The following JMJD1C variants were observed in gnomAD, a reference collection of about 807,000 sequenced individuals.
JMJD1C encodes the protein jumonji domain-containing protein 1C.
JMJD1C carries 31 observed loss-of-function variants against 245.3 expected under a neutral mutation model. That is an observed-to-expected ratio of 0.13 (90% confidence interval 0.09 to 0.17). The LOEUF (loss-of-function observed/expected upper bound fraction) is 0.17. Among genes scored for constraint, JMJD1C ranks in the 10% least tolerant of loss-of-function variants. The pLI, the probability that JMJD1C is intolerant of heterozygous loss-of-function variation, is 1.00. For missense variants in JMJD1C, 2,691 were observed against 3,000.2 expected, an observed-to-expected ratio of 0.90 and a Z score of 2.41; for synonymous variants, 1,057 against 1,017.4, an observed-to-expected ratio of 1.04 and a Z score of -0.74.
chr10:63,235,254 G>GA, intron 3 of JMJD1C, among the ~76,000 whole-genome samples: 1 of 152,166 alleles, frequency 6.6e-6, no homozygotes, highest in South Asian at 2.1e-4. Context: ...CCAGCACTTT[G>GA]GAAGGCTGAG....
intron 2 of JMJD1C, among the ~76,000 whole-genome samples, chr10:63,331,623 C>T (rs1304781793): frequency 6.6e-6 from 1 of 152,082 alleles, no homozygotes; most frequent in Non-Finnish European, 1.5e-5. Flanking sequence ...AATAAATAAA[C>T]ATATATATTG....
intron 23 of JMJD1C, chr10:63,177,511 T>C: frequency 1.8e-6 from 1 of 557,766 alleles, no homozygotes; most frequent in Non-Finnish European, 3.1e-6. Flanking sequence ...TGGGAACAAA[T>C]CACCATTCAA....
intron 2 of JMJD1C, among the ~76,000 whole-genome samples, chr10:63,324,190 C>G (rs1941256931): frequency 6.6e-6 from 1 of 151,840 alleles, no homozygotes; most frequent in Non-Finnish European, 1.5e-5. Context: ...TAATATCTTA[C>G]CAGGATCTGG....
At chr10:63,448,915 G>A (rs966163677) in intron 1 of JMJD1C, among the ~76,000 whole-genome samples, 2 of 152,018 alleles carry the variant, frequency 1.3e-5, no homozygotes, top group South Asian at 2.1e-4. Context: ...TCAGGAGTTC[G>A]AGCCCAGCCT....
chr10:63,363,210 G>T (rs1376238884), intron 2 of JMJD1C, among the ~76,000 whole-genome samples: 1 of 148,936 alleles, frequency 6.7e-6, no homozygotes, highest in East Asian at 2.0e-4. Context: ...ACTGTGAGAA[G>T]TATGAAGAAA....
In JMJD1C at chr10:63,206,888, A is replaced by G. The variant is rs765449355; in HGVS notation, c.4781T>C (p.Ile1594Thr). 13 of 1,609,160 alleles carry G rather than the reference A, an allele frequency of 8.1e-6. No homozygotes were observed. The East Asian group carries it at 8.9e-5, about 11-fold the overall frequency. ...VNLIASTSSD[I>T]QNSVDSKIIV... ...GATCTTACTATCTACACTATTTTGT[A>G]TATCACTAGATGTAGAGGCTATTAA... Residue 1594 changes from isoleucine (I) to threonine (T), a missense_variant, in exon 10 of 26, where the codon ATA becomes ACA. Around this residue, in one of 9 missense-constraint regions of JMJD1C, gnomAD observed 144 missense variants for 143.3 expected, o/e 1.00. Coordinates refer to ENST00000399262, the MANE Select transcript of JMJD1C (RefSeq NM_032776.3).
At chr10:63,376,298 T>C (rs1031243634) in intron 2 of JMJD1C, among the ~76,000 whole-genome samples, 6 of 152,134 alleles carry the variant, frequency 3.9e-5, no homozygotes, top group African/African-American at 7.2e-5. Flanking sequence ...TCACCAAAAT[T>C]TGTGATCTAA....
chr10:63,197,319 G>T, intron 13 of JMJD1C, 92 bp downstream of exon 13: 1 of 1,076,560 alleles, frequency 9.3e-7, no homozygotes, highest in Non-Finnish European at 1.3e-6. Context: ...AATAAGGAAA[G>T]TAGGAATAAA....
intron 8 of JMJD1C, 35 bp downstream of exon 8, chr10:63,213,438 T>A: frequency 8.3e-7 from 1 of 1,211,278 alleles, no homozygotes; most frequent in Non-Finnish European, 1.2e-6. Context: ...TTCATTAATA[T>A]ATACTGCTAT....
chr10:63,454,958 T>C (rs1952317147), intron 1 of JMJD1C, among the ~76,000 whole-genome samples: 2 of 151,156 alleles, frequency 1.3e-5, no homozygotes, highest in Admixed American at 6.6e-5. Context: ...AATTGTGTAG[T>C]TCCTGTTGTA....
At position 63,190,877 on chromosome 10, in the gene JMJD1C, A is replaced by C; in HGVS notation, c.6291+17T>G. The C allele has an allele frequency of 6.2e-7, 1 of 1,611,132 alleles. No homozygotes were observed. Among genetic ancestry groups the C allele is most frequent in the Non-Finnish European group, 8.5e-7 (1 of 1,177,336 alleles). On this transcript the variant is annotated intron_variant, in intron 17 of 25. Transcript: ENST00000399262. ...ATTTAAGGCCCACATTAAAACCAAAAATCTGGCATCACTCACTGGGGCTCC... is the reference window on the plus strand; with the variant it reads ...ATTTAAGGCCCACATTAAAACCAAACATCTGGCATCACTCACTGGGGCTCC...
At chr10:63,349,071 A>C (rs1378992497) in intron 2 of JMJD1C, among the ~76,000 whole-genome samples, 4 of 123,568 alleles carry the variant, frequency 3.2e-5, no homozygotes, top group Admixed American at 1.1e-4. Context: ...ATTGCACTTC[A>C]GCCTGGGTGA....
chr10:63,336,781 C>T (rs1942778176), intron 2 of JMJD1C, among the ~76,000 whole-genome samples: 1 of 152,114 alleles, frequency 6.6e-6, no homozygotes, highest in South Asian at 2.1e-4. Context: ...TGCAAATAAA[C>T]AGAGTGTGAG....
chr10:63,263,959 TACACAC>T (rs746833882), intron 3 of JMJD1C, among the ~76,000 whole-genome samples: 7,883 of 82,820 alleles, frequency 0.095, 375 homozygotes, highest in African/African-American at 0.13. Flanking sequence ...AAAATACACA[TACACAC>T]ACACACACAC....
At chr10:63,279,251 G>T (rs916874925) in intron 2 of JMJD1C, among the ~76,000 whole-genome samples, 1 of 151,830 alleles carries the variant, frequency 6.6e-6, no homozygotes, top group African/African-American at 2.4e-5. Flanking sequence ...ACGTGGTCTC[G>T]AAACAAACAA....
At chr10:63,339,928 G>A (rs1035254414) in intron 2 of JMJD1C, among the ~76,000 whole-genome samples, 3 of 152,130 alleles carry the variant, frequency 2.0e-5, no homozygotes, top group Admixed American at 6.6e-5. Flanking sequence ...GCATGCACCT[G>A]TAGTCCCTGT....
intron 3 of JMJD1C, among the ~76,000 whole-genome samples, chr10:63,237,978 G>C (rs1038065637): frequency 3.0e-5 from 4 of 132,578 alleles, no homozygotes; most frequent in African/African-American, 1.2e-4. Context: ...AGACCAGCCT[G>C]GCCAACACAG....
At chr10:63,353,500 C>T (rs1944533763) in intron 2 of JMJD1C, among the ~76,000 whole-genome samples, 1 of 151,998 alleles carries the variant, frequency 6.6e-6, no homozygotes, top group Non-Finnish European at 1.5e-5. Context: ...CTTTGGGAAC[C>T]ACAGGTACTT....
rs750379686 is a variant in JMJD1C, at chr10:63,264,789, A to G, written c.334-25T>C. On this transcript the variant is annotated intron_variant, in intron 2 of 25. Transcript: ENST00000399262. The stretch of plus-strand genomic sequence containing the variant: ...TCTGCCAAGAAAAAAAAAATTTCTA[A>G]TGATAATTTTCTGGGTAGTATCCTG... The G allele has an allele frequency of 1.3e-5, 14 of 1,117,880 alleles. No homozygotes were observed. The African/African-American group carries it at 2.0e-4, about 16-fold the overall frequency. The allele number at this position is 1,117,880 out of a possible 1,614,324, so 69.2% of individuals were successfully genotyped here.
Sources: gnomAD v4.1 joint callset for allele counts (sites outside exome capture counted in the v4.1 genomes callset) on GRCh38, gnomAD v4.1.1 for gene constraint, gnomAD v4.1.1 regional missense constraint, MANE v1.5 for transcripts, NCBI Gene and HGNC (gene_info 2026-07-23, HGNC 2026-07-21) for gene names.